The following IFFO2 variants were observed in gnomAD, a reference collection of about 807,000 sequenced individuals.
IFFO2 encodes the protein intermediate filament family orphan 2.
IFFO2 carries 19 observed loss-of-function variants against 53.5 expected under a neutral mutation model. The ratio of observed to expected loss-of-function variants is 0.36; its 90% CI spans 0.25 to 0.52. The LOEUF is 0.52. IFFO2 is among the 20% of genes least tolerant of loss of function. The probability of loss-of-function intolerance (pLI) is 0.94; values close to 1 mark genes in which losing one functional copy is unlikely to be tolerated. For synonymous variants in IFFO2, 303 were observed against 313.6 expected (o/e 0.97, Z 0.36); for missense variants, 570 against 727.4 (o/e 0.78, Z 2.49).
chr1:18,912,334 A>C (rs1397243102), intron 5 of IFFO2, among the ~76,000 whole-genome samples: 3 of 152,060 alleles, frequency 2.0e-5, no homozygotes, highest in Non-Finnish European at 4.4e-5. Context: ...TCAGGCTTTA[A>C]TTAATTGGGA....
chr1:18,936,546 G>T lies in IFFO2; in HGVS notation c.666-15425C>A, dbSNP rs1251931771. ...GAGTGTGGGGGCCCCCAGGCCCAGG[G>T]TTATGTTTACAGCTTTGAGAAAAAC... On this transcript the variant is annotated intron_variant, in intron 1 of 8. Coordinates refer to ENST00000455833, the MANE Select transcript of IFFO2 (RefSeq NM_001136265.2). This position sits in a 1 kb window ranked among gnomAD's most constrained non-coding sequence, Gnocchi z 4.5. Among the ~76,000 whole-genome samples, 1 of 152,238 alleles carries T rather than the reference G, an allele frequency of 6.6e-6. No individual in the cohort carries two copies. Among genetic ancestry groups the T allele is most frequent in the Non-Finnish European group, 1.5e-5 (1 of 68,044 alleles).
At chr1:18,955,609 G>A in intron 1 of IFFO2, 59 bp downstream of exon 1, 1 of 1,501,610 alleles carries the variant, frequency 6.7e-7, no homozygotes, top group South Asian at 1.2e-5. Flanking sequence ...TACGCATTCC[G>A]CGGCAGCCTG....
In IFFO2 at chr1:18,930,194, A is replaced by G. The variant is rs558941196; in HGVS notation, c.666-9073T>C. Among the ~76,000 whole-genome samples the G allele has an allele frequency of 2.0e-5, 3 of 152,212 alleles. 1 individual carries two copies. The South Asian group carries it at 6.2e-4, about 31-fold the overall frequency. ...ACATTCCATGGAATAGCATATGAAA[A>G]GTGCCCAGAATAGTGCCTGGTCTAC... is the stretch of plus-strand genomic sequence containing the variant. On this transcript the variant is annotated intron_variant, in intron 1 of 8. Transcript: ENST00000455833.
rs3018816 is a variant in IFFO2 at position 18,919,374 on chromosome 1, C to T, written c.822+304G>A. Among the ~76,000 whole-genome samples the T allele has an allele frequency of 6.6e-6, 1 of 152,026 alleles. No individual in the cohort carries two copies. The highest frequency in any genetic ancestry group is 2.4e-5 in the African/African-American group (1 of 41,374). On this transcript the variant is annotated intron_variant, in intron 3 of 8. Transcript: ENST00000455833. The surrounding 1 kb of genome is among the most constrained non-coding windows in gnomAD (Gnocchi z 4.9). The stretch of plus-strand genomic sequence containing the variant: ...ACACCGAGGCCTGCCCTCATCAAGG[C>T]GAGCTGGGAAGGAGTGGGAGCAAAC...
In IFFO2 at chr1:18,916,959, G is replaced by A. The variant is rs1261861701; in HGVS notation, c.1047C>T (p.Asp349=). The A allele has an allele frequency of 1.4e-5, 22 of 1,551,888 alleles. No homozygotes were observed. The highest frequency in any genetic ancestry group is 5.9e-5 in the Admixed American group (3 of 50,992). Residue 349 remains aspartate, a synonymous_variant, in exon 5 of 9, where the codon GAC becomes GAT. Transcript: ENST00000455833. This position sits in a 1 kb window ranked among gnomAD's most constrained non-coding sequence, Gnocchi z 4.3. ...EQDGEVNRFS[D]DEVGSMNITD... is the part of the protein sequence containing the mutation. ...TGATGTTCATGGAGCCGACCTCATCGTCCGAGAACCGGTTCACCTCCCCGT... is the reference window on the plus strand; with the variant it reads ...TGATGTTCATGGAGCCGACCTCATCATCCGAGAACCGGTTCACCTCCCCGT...
chr1:18,956,183 C>T lies in IFFO2; in HGVS notation c.150G>A (p.Leu50=). 1 of 1,453,816 alleles carries T rather than the reference C, an allele frequency of 6.9e-7. No homozygotes were observed. Among genetic ancestry groups the T allele is most frequent in the South Asian group, 1.3e-5 (1 of 79,954 alleles). 90.1% of individuals were successfully genotyped at this position (1,453,816 alleles called of 1,614,324 possible). ...CCTTCAAGAGGTGGATGTTGGAGCC[C>T]AGGTCGTCCCGCAGCGCCGCCGTCA... The part of the protein sequence containing the change: ...SPVTAALRDD[L]GSNIHLLKGL... The change falls in exon 1 of 9, where the codon CTG becomes CTA. Residue 50 remains leucine, a synonymous_variant. Transcript: ENST00000455833. This position sits in a 1 kb window ranked among gnomAD's most constrained non-coding sequence, Gnocchi z 6.4.
Position 18,923,388 on chromosome 1 carries a change from A to G in IFFO2, c.666-2267T>C, listed in dbSNP as rs539212613. Among the ~76,000 whole-genome samples, 17 of 152,314 alleles carry G rather than the reference A, an allele frequency of 1.1e-4. No individual in the cohort carries two copies. In the South Asian group the frequency reaches 3.1e-3, roughly 28 times the overall value. ...TACAGACGGAGAAAACGAGGACCAG[A>G]GAGGGAATGAGACTTGCCCCAAATC... On this transcript the variant is annotated intron_variant, in intron 1 of 8. Transcript: ENST00000455833.
In IFFO2 at chr1:18,915,444, G is replaced by A. The variant is rs72936461; in HGVS notation, c.1103+1459C>T. On this transcript the variant is annotated intron_variant, in intron 5 of 8. Coordinates refer to ENST00000455833, the MANE Select transcript of IFFO2 (RefSeq NM_001136265.2). ...CTAATATGACATCACTGAGCCTGGA[G>A]TGGGTATAGCAGCTTCTAAGAGCTG... Among the ~76,000 whole-genome samples the A allele has an allele frequency of 2.7e-3, 408 of 152,264 alleles. 1 individual carries two copies. Among genetic ancestry groups the A allele is most frequent in the African/African-American group, 9.5e-3 (395 of 41,544 alleles).
At position 18,916,852 on chromosome 1, in the gene IFFO2, G is replaced by A; in HGVS notation, c.1103+51C>T. The A allele has an allele frequency of 6.5e-7, 1 of 1,545,106 alleles. No homozygotes were observed. The highest frequency in any genetic ancestry group is 8.8e-7 in the Non-Finnish European group (1 of 1,142,182). On this transcript the variant is annotated intron_variant, in intron 5 of 8. Transcript: ENST00000455833. The surrounding 1 kb of genome is among the most constrained non-coding windows in gnomAD (Gnocchi z 4.3). ...CCCAAGCCTCCCATTCACCGCCCCTGTGCAAGCAATCCGGGGAAACGGAGA... is the reference window on the plus strand; with the variant it reads ...CCCAAGCCTCCCATTCACCGCCCCTATGCAAGCAATCCGGGGAAACGGAGA...
chr1:18,925,848 A>T (rs1283443294), intron 1 of IFFO2, among the ~76,000 whole-genome samples: 3 of 45,204 alleles, frequency 6.6e-5, no homozygotes, highest in Non-Finnish European at 1.3e-4. Context: ...GGATGGATGG[A>T]TGGATTGGTT....
intron 1 of IFFO2, among the ~76,000 whole-genome samples, chr1:18,954,840 T>C (rs547186402): frequency 1.7e-3 from 256 of 152,306 alleles, no homozygotes; most frequent in African/African-American, 5.6e-3. Context: ...GTGGTCTCAG[T>C]CCATTCAATG....
rs79631815 is a variant in IFFO2, at chr1:18,926,706, C to A, written c.666-5585G>T. 4.1e-3 allele frequency among the ~76,000 whole-genome samples: 617 copies of A among 152,140 alleles called. 6 individuals carry two copies. The highest frequency in any genetic ancestry group is 0.014 in the African/African-American group (579 of 41,490). On this transcript the variant is annotated intron_variant, in intron 1 of 8. Coordinates refer to ENST00000455833, the MANE Select transcript of IFFO2 (RefSeq NM_001136265.2). ...TTCTATGCCAGTCCCCACCCCCACC[C>A]CACTCAGGGCCAGTGCCTCCCCCTC...
chr1:18,955,689 T>A lies in IFFO2; in HGVS notation c.644A>T (p.Glu215Val). The A allele has an allele frequency of 6.3e-7, 1 of 1,590,724 alleles. No homozygotes were observed. The highest frequency in any genetic ancestry group is 8.5e-7 in the Non-Finnish European group (1 of 1,171,786). ...LYNVLAKVKR[E>V]RDEYKRRWEE... Reference sequence around the variant, plus strand: ...TCACCTCCGCTTATACTCGTCGCGCTCGCGCTTCACCTTGGCCAGCACGTT... The same window carrying A: ...TCACCTCCGCTTATACTCGTCGCGCACGCGCTTCACCTTGGCCAGCACGTT... Residue 215 changes from glutamate (E) to valine (V), a missense_variant, in exon 1 of 9, where the codon GAG becomes GTG. By Grantham distance (121) the Glu-to-Val change is moderately radical. Coordinates refer to ENST00000455833, the MANE Select transcript of IFFO2 (RefSeq NM_001136265.2).
At chr1:18,914,138 TTTAAC>T (rs1222263661) in intron 5 of IFFO2, among the ~76,000 whole-genome samples, 1 of 152,220 alleles carries the variant, frequency 6.6e-6, no homozygotes, top group Non-Finnish European at 1.5e-5. Context: ...GCCTGTTTGT[TTTAAC>T]TTAGGTAACT....
At chr1:18,926,718 A>C in intron 1 of IFFO2, among the ~76,000 whole-genome samples, 2 of 143,034 alleles carry the variant, frequency 1.4e-5, no homozygotes, top group African/African-American at 2.6e-5. Context: ...ACTCAGGGCC[A>C]GTGCCTCCCC....
intron 1 of IFFO2, among the ~76,000 whole-genome samples, chr1:18,934,189 T>G (rs1404466812): frequency 6.9e-6 from 1 of 145,920 alleles, no homozygotes; most frequent in African/African-American, 2.5e-5. Context: ...TGCCTCAGCC[T>G]CTGGAGCAGC....
At chr1:18,913,602 A>C (rs376008294) in intron 5 of IFFO2, among the ~76,000 whole-genome samples, 4 of 152,222 alleles carry the variant, frequency 2.6e-5, no homozygotes, top group African/African-American at 9.6e-5. Context: ...GACTTGGATC[A>C]AAACAAAACA....
At position 18,918,280 on chromosome 1, in the gene IFFO2, C is replaced by T. The variant is rs908541619; in HGVS notation, c.963+82G>A. On this transcript the variant is annotated intron_variant, in intron 4 of 8. Transcript: ENST00000455833. This position sits in a 1 kb window ranked among gnomAD's most constrained non-coding sequence, Gnocchi z 5.2. Reference sequence around the variant, plus strand: ...GGAGTGAGTGGGATGTGGAGGCAAACGGGTTGGCCGGGCAGGGGTGGAGGC... The same window carrying T: ...GGAGTGAGTGGGATGTGGAGGCAAATGGGTTGGCCGGGCAGGGGTGGAGGC... The T allele has an allele frequency of 1.4e-5, 19 of 1,403,972 alleles. No individual in the cohort carries two copies. The highest frequency in any genetic ancestry group is 5.0e-5 in the East Asian group (2 of 39,628). 87.0% of individuals were successfully genotyped at this position (1,403,972 alleles called of 1,614,324 possible). A position where few individuals can be genotyped will look rare whatever the true frequency, so the allele number is the denominator to read the frequency against.
intron 1 of IFFO2, among the ~76,000 whole-genome samples, chr1:18,950,029 C>A (rs1264233245): frequency 2.0e-5 from 3 of 152,194 alleles, no homozygotes; most frequent in Non-Finnish European, 2.9e-5. Context: ...GCCAACCCAG[C>A]CAAGGGATTC....
Sources: allele counts gnomAD v4.1 joint callset (sites outside exome capture counted in the v4.1 genomes callset), GRCh38; gene constraint gnomAD v4.1.1; non-coding constraint Gnocchi (gnomAD v3.1); transcripts MANE v1.5; gene names NCBI Gene and HGNC (gene_info 2026-07-23, HGNC 2026-07-21).